TRIM44: variants seen among roughly 807,000 people sequenced by gnomAD.
The protein encoded by TRIM44 is tripartite motif-containing protein 44.
TRIM44 carries 13 observed loss-of-function variants against 37.4 expected under a neutral mutation model. The ratio of observed to expected loss-of-function variants is 0.35; its 90% CI spans 0.23 to 0.55. The LOEUF (loss-of-function observed/expected upper bound fraction) is 0.55. Among genes scored for constraint, TRIM44 ranks in the 20% least tolerant of loss-of-function variants. The pLI is 0.89. For synonymous variants in TRIM44, 175 were observed against 157.2 expected (o/e 1.11, Z -0.85); for missense variants, 426 against 437.2 (o/e 0.97, Z 0.23).
chr11:35,744,724 C>T (rs1852464666), intron 4 of TRIM44, among the ~76,000 whole-genome samples: 1 of 152,162 alleles, frequency 6.6e-6, no homozygotes, highest in African/African-American at 2.4e-5. Flanking sequence ...CTTCCTCCCA[C>T]ACCCAACCCT....
At chr11:35,677,930 T>C (rs1009491906) in intron 1 of TRIM44, among the ~76,000 whole-genome samples, 1 of 152,212 alleles carries the variant, frequency 6.6e-6, no homozygotes, top group South Asian at 2.1e-4. Context: ...TGAGGACTTT[T>C]TGAACTAGTG....
chr11:35,733,482 T>G (rs115000794), intron 3 of TRIM44, among the ~76,000 whole-genome samples: 1,949 of 152,292 alleles, frequency 0.013, 46 homozygotes, highest in African/African-American at 0.044. Flanking sequence ...ATTGGTATAT[T>G]ATAGATCCCA....
chr11:35,735,313 T>C, intron 3 of TRIM44, 113 bp from the exon 4 acceptor site: 2 of 1,003,334 alleles, frequency 2.0e-6, no homozygotes, highest in Non-Finnish European at 1.6e-6. Context: ...TCTGTTACAA[T>C]AAATGTATAG....
intron 4 of TRIM44, among the ~76,000 whole-genome samples, chr11:35,748,697 AG>A (rs1852524850): frequency 6.6e-6 from 1 of 152,228 alleles, no homozygotes; most frequent in African/African-American, 2.4e-5. Context: ...TAGTAAAACA[AG>A]GTTAGCTGCA....
At chr11:35,780,529 G>A (rs1001591516) in intron 4 of TRIM44, among the ~76,000 whole-genome samples, 2 of 152,190 alleles carry the variant, frequency 1.3e-5, no homozygotes, top group Non-Finnish European at 2.9e-5. Flanking sequence ...CAGGCAGAGG[G>A]GAACTAACAG....
At position 35,735,422 on chromosome 11, in the gene TRIM44, T is replaced by C. The variant is rs1407966233; in HGVS notation, c.988-4T>C. The C allele has an allele frequency of 6.2e-7, 1 of 1,613,590 alleles. No individual in the cohort carries two copies. The highest frequency in any genetic ancestry group is 1.3e-5 in the African/African-American group (1 of 74,906). ...AATACTGTTTCTTTCTGTTTGTCTT[T>C]CAGGGCGATGAGGAAGGACCCAGGT... On this transcript the variant is annotated splice_region_variant and splice_polypyrimidine_tract_variant and intron_variant, in intron 3 of 4. Transcript: ENST00000299413.
chr11:35,762,254 A>G (rs563507106), intron 4 of TRIM44, among the ~76,000 whole-genome samples: 1 of 152,274 alleles, frequency 6.6e-6, no homozygotes, highest in East Asian at 1.9e-4. Context: ...TTCTTTTTTT[A>G]AAACAATCTT....
At chr11:35,718,124 G>A (rs747108203) in intron 2 of TRIM44, among the ~76,000 whole-genome samples, 6 of 152,098 alleles carry the variant, frequency 3.9e-5, no homozygotes, top group African/African-American at 1.4e-4. Flanking sequence ...GGCTTAAATC[G>A]AAATGGGCTT....
At chr11:35,695,918 C>T (rs1851691979) in intron 2 of TRIM44, among the ~76,000 whole-genome samples, 1 of 150,352 alleles carries the variant, frequency 6.7e-6, no homozygotes, top group African/African-American at 2.5e-5. Context: ...CAATGCTTCC[C>T]ATGTAACATG....
intron 4 of TRIM44, among the ~76,000 whole-genome samples, chr11:35,737,705 G>A (rs1392431891): frequency 2.6e-5 from 4 of 151,882 alleles, no homozygotes; most frequent in South Asian, 2.1e-4. Context: ...GGGTGGTGGC[G>A]CACACCTGTA....
intron 4 of TRIM44, among the ~76,000 whole-genome samples, chr11:35,786,399 C>T (rs971585919): frequency 6.6e-6 from 1 of 152,188 alleles, no homozygotes; most frequent in Non-Finnish European, 1.5e-5. Context: ...ACTCCATTGG[C>T]TCACTTAAGA....
intron 4 of TRIM44, among the ~76,000 whole-genome samples, chr11:35,777,201 A>G (rs948191178): frequency 1.3e-5 from 2 of 152,126 alleles, no homozygotes; most frequent in African/African-American, 2.4e-5. Flanking sequence ...TCCCTTTACC[A>G]TTATGTAGTG....
At chr11:35,806,233 A>G (rs1424572478) in intron 4 of TRIM44, 125 bp from the exon 5 acceptor site, 23 of 1,028,832 alleles carry the variant, frequency 2.2e-5, no homozygotes, top group Non-Finnish European at 3.4e-5. Context: ...CATATTGCTC[A>G]ATCATGGTAG....
intron 2 of TRIM44, among the ~76,000 whole-genome samples, chr11:35,722,737 C>G (rs1852123937): frequency 6.6e-6 from 1 of 152,172 alleles, no homozygotes; most frequent in African/African-American, 2.4e-5. Flanking sequence ...TGACCTGTAT[C>G]TTGTGCCGAC....
At chr11:35,753,203 T>TG (rs571398411) in intron 4 of TRIM44, among the ~76,000 whole-genome samples, 20 of 151,838 alleles carry the variant, frequency 1.3e-4, no homozygotes, top group South Asian at 4.2e-4. Context: ...GTGATACAAT[T>TG]GGGGGGGGAG....
chr11:35,686,913 C>CA (rs1851588568), intron 2 of TRIM44, among the ~76,000 whole-genome samples: 1 of 152,200 alleles, frequency 6.6e-6, no homozygotes, highest in South Asian at 2.1e-4. Context: ...TTTACTATCC[C>CA]AAACTGAAAT....
rs901416091 is a variant in TRIM44 at position 35,704,555 on chromosome 11, C to T, written c.747+19219C>T. ...AAAGGGAAGCCCATCAGACTAACAG[C>T]GGATCTCTCGGCAGAAACTCTACAA... On this transcript the variant is annotated intron_variant, in intron 2 of 4. Transcript: ENST00000299413. Among the ~76,000 whole-genome samples, 14 of 152,166 alleles carry T rather than the reference C, an allele frequency of 9.2e-5. No individual in the cohort carries two copies. In the East Asian group the frequency reaches 9.6e-4, roughly 10 times the overall value.
chr11:35,728,256 G>A (rs980241149), intron 3 of TRIM44, among the ~76,000 whole-genome samples: 19 of 152,148 alleles, frequency 1.2e-4, no homozygotes, highest in African/African-American at 4.6e-4. Flanking sequence ...AACCCAGGAG[G>A]TGGAGGTTGC....
intron 1 of TRIM44, among the ~76,000 whole-genome samples, chr11:35,666,097 A>G (rs1404397937): frequency 1.3e-5 from 2 of 152,092 alleles, no homozygotes; most frequent in East Asian, 1.9e-4. Context: ...TAGGGGCGCA[A>G]TTTCATTTTT....
Sources: allele counts gnomAD v4.1 joint callset (sites outside exome capture counted in the v4.1 genomes callset), GRCh38; gene constraint gnomAD v4.1.1; transcripts MANE v1.5; gene names NCBI Gene and HGNC (gene_info 2026-07-23, HGNC 2026-07-21).